Variants in ACAP2 observed in about 807,000 individuals in gnomAD.
ACAP2 encodes arf-GAP with coiled-coil, ANK repeat and PH domain-containing protein 2.
In ACAP2, 39 loss-of-function variants were observed where a neutral mutation model predicts 115.8. The ratio of observed to expected loss-of-function variants is 0.34; its 90% CI spans 0.26 to 0.44. ACAP2 has a LOEUF of 0.44. ACAP2 is among the 20% of genes least tolerant of loss of function. The pLI is 1.00. For synonymous variants in ACAP2, 289 were observed against 315.8 expected, an observed-to-expected ratio of 0.92 and a Z score of 0.90; for missense variants, 662 against 927.6, an observed-to-expected ratio of 0.71 and a Z score of 3.72.
chr3:195,368,826 G>C (rs950298307), intron 4 of ACAP2, among the ~76,000 whole-genome samples: 7 of 152,198 alleles, frequency 4.6e-5, no homozygotes, highest in Non-Finnish European at 1.0e-4. Context: ...GCTCACGCCT[G>C]TAATCCCACC....
intron 4 of ACAP2, among the ~76,000 whole-genome samples, chr3:195,358,744 A>G (rs1054605616): frequency 9.9e-5 from 15 of 152,136 alleles, no homozygotes; most frequent in African/African-American, 3.6e-4. Flanking sequence ...TAGCAAATCT[A>G]AGAGTAAGGT....
At chr3:195,307,077 CCATT>C in intron 12 of ACAP2, 142 bp downstream of exon 12, 2 of 547,270 alleles carry the variant, frequency 3.7e-6, no homozygotes, top group South Asian at 2.7e-5. Flanking sequence ...ATATCTGTAA[CCATT>C]AATTATTGAA....
At chr3:195,386,798 AT>A (rs1292895841) in intron 2 of ACAP2, among the ~76,000 whole-genome samples, 8 of 151,572 alleles carry the variant, frequency 5.3e-5, no homozygotes, top group African/African-American at 1.9e-4. Flanking sequence ...TTAAAGTAAA[AT>A]TTAAAAAAAA....
chr3:195,302,304 T>C (rs1728115793), intron 13 of ACAP2, 130 bp from the exon 14 acceptor site: 3 of 755,770 alleles, frequency 4.0e-6, no homozygotes, highest in African/African-American at 3.6e-5. Flanking sequence ...AGCAAGGCAA[T>C]AGTCTAGCTA....
chr3:195,399,684 T>TA (rs1207296977), intron 1 of ACAP2, among the ~76,000 whole-genome samples: 1 of 150,614 alleles, frequency 6.6e-6, no homozygotes, highest in African/African-American at 2.4e-5. Flanking sequence ...GTATCCAAAA[T>TA]AAAAACCATC....
At chr3:195,324,741 C>CAAAAT (rs1211845425) in intron 9 of ACAP2, among the ~76,000 whole-genome samples, 7 of 151,272 alleles carry the variant, frequency 4.6e-5, no homozygotes, top group Non-Finnish European at 7.4e-5. Flanking sequence ...GCGACAGGAC[C>CAAAAT]AAAATAAAAT....
At chr3:195,389,582 C>T (rs937763431) in intron 2 of ACAP2, among the ~76,000 whole-genome samples, 5 of 152,030 alleles carry the variant, frequency 3.3e-5, no homozygotes, top group African/African-American at 1.2e-4. Flanking sequence ...ATAAATCTTC[C>T]ATAAAATCAA....
intron 1 of ACAP2, among the ~76,000 whole-genome samples, chr3:195,424,440 G>A (rs569111751): frequency 6.0e-5 from 9 of 150,498 alleles, no homozygotes; most frequent in South Asian, 4.2e-4. Flanking sequence ...GATTACAGGC[G>A]CCTGCCCACC....
Position 195,291,726 on chromosome 3 carries a change from G to C in ACAP2, c.2043C>G (p.Ala681=). The change falls in exon 20 of 23, where the codon GCC becomes GCG. Residue 681 remains alanine, a synonymous_variant. Coordinates refer to ENST00000326793, the MANE Select transcript of ACAP2 (RefSeq NM_012287.6). ...DVQGRGPLHH[A]TVLGHTGQVC... is the part of the protein sequence containing the mutation. ...GTTACCCTGTGTGCCCTAAGACGGT[G>C]GCATGGTGCAATGGTCCCCGCCCTT... is the stretch of plus-strand genomic sequence containing the variant. The C allele has an allele frequency of 6.2e-7, 1 of 1,613,772 alleles. No homozygotes were observed. The highest frequency in any genetic ancestry group is 1.3e-5 in the African/African-American group (1 of 75,002).
chr3:195,346,371 CAGTGATCAGAA>C (rs1441039409), intron 4 of ACAP2, among the ~76,000 whole-genome samples: 1 of 152,088 alleles, frequency 6.6e-6, no homozygotes, highest in Non-Finnish European at 1.5e-5. Context: ...CCTCTAACCA[CAGTGATCAGAA>C]AGAAGACGCA....
chr3:195,344,144 G>A (rs1731047185), intron 5 of ACAP2, among the ~76,000 whole-genome samples: 1 of 152,192 alleles, frequency 6.6e-6, no homozygotes, highest in Non-Finnish European at 1.5e-5. Context: ...CTTCAGCCCA[G>A]GAATTCGAGG....
chr3:195,300,996 G>C (rs866249251), intron 15 of ACAP2, among the ~76,000 whole-genome samples: 2 of 152,224 alleles, frequency 1.3e-5, no homozygotes, highest in Non-Finnish European at 2.9e-5. Context: ...GCCTGCACAA[G>C]GGAGCGAAGA....
At chr3:195,321,788 T>C (rs1038758367) in intron 9 of ACAP2, among the ~76,000 whole-genome samples, 2 of 150,286 alleles carry the variant, frequency 1.3e-5, no homozygotes, top group African/African-American at 4.9e-5. Flanking sequence ...AATTTTTGTA[T>C]TTTTAGTAGA....
intron 4 of ACAP2, among the ~76,000 whole-genome samples, chr3:195,365,324 C>A (rs895136176): frequency 4.6e-5 from 7 of 152,040 alleles, no homozygotes; most frequent in African/African-American, 1.5e-4. Flanking sequence ...GTGTTGGATA[C>A]CCCATTTACT....
intron 1 of ACAP2, among the ~76,000 whole-genome samples, chr3:195,420,706 C>G (rs1189596232): frequency 6.7e-6 from 1 of 150,328 alleles, no homozygotes; most frequent in East Asian, 2.0e-4. Flanking sequence ...GCAGTGGCGC[C>G]ATCTCAGCTC....
At chr3:195,352,883 C>G (rs1385092679) in intron 4 of ACAP2, among the ~76,000 whole-genome samples, 1 of 152,044 alleles carries the variant, frequency 6.6e-6, no homozygotes, top group African/African-American at 2.4e-5. Flanking sequence ...GAGTTCCAGA[C>G]CAGCCTGGCC....
chr3:195,429,424 GATCA>G (rs1481335430), intron 1 of ACAP2, among the ~76,000 whole-genome samples: 12 of 150,580 alleles, frequency 8.0e-5, no homozygotes, highest in Non-Finnish European at 1.6e-4. Context: ...GAAAAACATG[GATCA>G]ATCTCATAGT....
chr3:195,351,485 T>TGTGA (rs1491392616), intron 4 of ACAP2, among the ~76,000 whole-genome samples: 3 of 128,370 alleles, frequency 2.3e-5, no homozygotes, highest in Admixed American at 8.4e-5. Flanking sequence ...TGTGTGTGTG[T>TGTGA]GACGGAGTCT....
chr3:195,406,347 G>C (rs973280477), intron 1 of ACAP2, among the ~76,000 whole-genome samples: 1 of 151,966 alleles, frequency 6.6e-6, no homozygotes, highest in African/African-American at 2.4e-5. Context: ...ACTCAGGCTG[G>C]GCATTTATTT....
Sources: gnomAD v4.1 joint callset for allele counts (sites outside exome capture counted in the v4.1 genomes callset) on GRCh38, gnomAD v4.1.1 for gene constraint, MANE v1.5 for transcripts, NCBI Gene and HGNC (gene_info 2026-07-23, HGNC 2026-07-21) for gene names.